BBX: variants seen among roughly 807,000 people sequenced by gnomAD.
BBX encodes the protein BBX high mobility group box domain containing.
A neutral mutation model predicts 100.2 loss-of-function variants in BBX; 30 were observed. The ratio of observed to expected loss-of-function variants is 0.30; its 90% CI spans 0.22 to 0.41. BBX has a LOEUF of 0.41. BBX is among the 10% of genes least tolerant of loss of function. The pLI is 1.00. For missense variants in BBX, 1,023 were observed against 1,129.8 expected, an observed-to-expected ratio of 0.91 and a Z score of 1.35; for synonymous variants, 376 against 388.1, an observed-to-expected ratio of 0.97 and a Z score of 0.37.
intron 2 of BBX, among the ~76,000 whole-genome samples, chr3:107,553,120 G>T (rs905638507): frequency 2.0e-5 from 3 of 152,094 alleles, no homozygotes; most frequent in African/African-American, 7.2e-5. Context: ...GGCTTATTTG[G>T]TATTTAGGCA....
intron 3 of BBX, among the ~76,000 whole-genome samples, chr3:107,706,843 CAA>C (rs2061424081): frequency 6.6e-6 from 1 of 152,138 alleles, no homozygotes; most frequent in Admixed American, 6.5e-5. Context: ...AACATTGTCT[CAA>C]AATTATGCTT....
At chr3:107,528,892 T>C (rs1484872447) in intron 2 of BBX, among the ~76,000 whole-genome samples, 1 of 152,228 alleles carries the variant, frequency 6.6e-6, no homozygotes, top group East Asian at 1.9e-4. Flanking sequence ...CAGTATATGT[T>C]TTCTTACATT....
Position 107,778,505 on chromosome 3 carries a change from C to T in BBX, c.2189C>T (p.Thr730Ile), listed in dbSNP as rs1365973872. ...KKTGNVSSEP[T>I]KTSKGPFQSQ... ...ACTGGAAATGTGTCCTCAGAACCGA[C>T]TAAAACCAGCAAAGGTTAGGTGTGA... The change falls in exon 13 of 18, where the codon ACT becomes ATT. Residue 730 changes from threonine to isoleucine, a missense_variant. Thr to Ile is a moderately conservative substitution (Grantham distance 89). Transcript: ENST00000325805. The T allele has an allele frequency of 1.2e-6, 2 of 1,612,894 alleles. No homozygotes were observed. Among genetic ancestry groups the T allele is most frequent in the African/African-American group, 1.3e-5 (1 of 74,830 alleles).
At chr3:107,535,726 G>A (rs974478477) in intron 2 of BBX, among the ~76,000 whole-genome samples, 7 of 151,834 alleles carry the variant, frequency 4.6e-5, no homozygotes, top group African/African-American at 1.7e-4. Context: ...CCAAGTAGCT[G>A]GGATTACAGG....
intron 3 of BBX, among the ~76,000 whole-genome samples, chr3:107,696,119 T>A (rs368506348): frequency 1.3e-5 from 2 of 151,758 alleles, no homozygotes; most frequent in East Asian, 3.8e-4. Flanking sequence ...TTCCTGAATA[T>A]AGCACACTGA....
At chr3:107,733,125 C>A in intron 7 of BBX, 102 bp downstream of exon 7, 1 of 950,582 alleles carries the variant, frequency 1.1e-6, no homozygotes, top group Non-Finnish European at 1.6e-6. Flanking sequence ...CTGTTTACAG[C>A]TCATGAACAA....
chr3:107,531,432 G>A (rs2048154244), intron 2 of BBX, among the ~76,000 whole-genome samples: 1 of 152,092 alleles, frequency 6.6e-6, no homozygotes, highest in African/African-American at 2.4e-5. Context: ...TGTTTACCAT[G>A]CAATAATATG....
intron 2 of BBX, among the ~76,000 whole-genome samples, chr3:107,587,570 G>T (rs2052950446): frequency 6.6e-6 from 1 of 152,192 alleles, no homozygotes; most frequent in African/African-American, 2.4e-5. Flanking sequence ...AGCAGATCCT[G>T]TCTGGGGGAG....
chr3:107,756,432 C>G (rs956122017), intron 10 of BBX, among the ~76,000 whole-genome samples: 4 of 152,090 alleles, frequency 2.6e-5, no homozygotes, highest in South Asian at 2.1e-4. Flanking sequence ...AAATCTCTTA[C>G]TAAATTTTTT....
chr3:107,607,524 G>A (rs2054540492), intron 2 of BBX, among the ~76,000 whole-genome samples: 1 of 152,176 alleles, frequency 6.6e-6, no homozygotes, highest in Admixed American at 6.5e-5. Flanking sequence ...ACATGGGAGT[G>A]CATGTGTCTA....
At chr3:107,663,169 A>G (rs536807873) in intron 3 of BBX, among the ~76,000 whole-genome samples, 3 of 152,156 alleles carry the variant, frequency 2.0e-5, no homozygotes, top group South Asian at 2.1e-4. Context: ...GTATGTCCCT[A>G]TGGTCTGCAA....
At chr3:107,553,366 A>G (rs1365675567) in intron 2 of BBX, among the ~76,000 whole-genome samples, 1 of 152,222 alleles carries the variant, frequency 6.6e-6, no homozygotes, top group Non-Finnish European at 1.5e-5. Flanking sequence ...CTATCCATGT[A>G]GCTATTTCTA....
chr3:107,608,683 T>A (rs756977934), intron 2 of BBX, among the ~76,000 whole-genome samples: 2 of 152,234 alleles, frequency 1.3e-5, no homozygotes, highest in Non-Finnish European at 2.9e-5. Context: ...TACCGATTCT[T>A]ACAATCTTTG....
At chr3:107,538,537 A>G (rs1200220452) in intron 2 of BBX, among the ~76,000 whole-genome samples, 1 of 152,068 alleles carries the variant, frequency 6.6e-6, no homozygotes, top group East Asian at 1.9e-4. Context: ...TTAAATAGAT[A>G]TTTTTCCGAA....
At chr3:107,685,945 A>G (rs1428375772) in intron 3 of BBX, among the ~76,000 whole-genome samples, 1 of 152,170 alleles carries the variant, frequency 6.6e-6, no homozygotes, top group Non-Finnish European at 1.5e-5. Context: ...GACTTCTCTC[A>G]TTAGGATAAT....
At chr3:107,761,308 A>C (rs2065883499) in intron 10 of BBX, among the ~76,000 whole-genome samples, 1 of 152,210 alleles carries the variant, frequency 6.6e-6, no homozygotes, top group Non-Finnish European at 1.5e-5. Context: ...TGTTTAGTGC[A>C]GAGCAAATAA....
intron 3 of BBX, among the ~76,000 whole-genome samples, chr3:107,701,505 A>G (rs2061049620): frequency 6.6e-6 from 1 of 152,264 alleles, no homozygotes; most frequent in Non-Finnish European, 1.5e-5. Flanking sequence ...ATGAAGCAAT[A>G]TTGTATAATG....
chr3:107,600,954 A>C (rs1221707274), intron 2 of BBX, among the ~76,000 whole-genome samples: 1 of 152,210 alleles, frequency 6.6e-6, no homozygotes, highest in Non-Finnish European at 1.5e-5. Context: ...GCCTCAAGCA[A>C]GTCTATCAGC....
intron 2 of BBX, among the ~76,000 whole-genome samples, chr3:107,528,764 C>T (rs1234349358): frequency 6.6e-6 from 1 of 152,170 alleles, no homozygotes; most frequent in Non-Finnish European, 1.5e-5. Context: ...ATAAATAGGT[C>T]TGAAGATGTT....
Sources: gnomAD v4.1 joint callset for allele counts (sites outside exome capture counted in the v4.1 genomes callset) on GRCh38, gnomAD v4.1.1 for gene constraint, MANE v1.5 for transcripts, NCBI Gene and HGNC (gene_info 2026-07-23, HGNC 2026-07-21) for gene names.